Variants in TARBP1 observed in about 807,000 individuals in gnomAD.
TARBP1 encodes the protein tRNA (guanosine(18)-2'-O)-methyltransferase TARBP1.
TARBP1 carries 144 observed loss-of-function variants against 178.6 expected under a neutral mutation model. The ratio of observed to expected loss-of-function variants is 0.81; its 90% CI spans 0.70 to 0.93. TARBP1 has a LOEUF of 0.93. Ranked by LOEUF, TARBP1 falls within the 40% of genes least tolerant of loss-of-function variation. TARBP1 has a pLI of 0.00. For synonymous variants in TARBP1, 787 were observed against 781.0 expected, an observed-to-expected ratio of 1.01 and a Z score of -0.13; for missense variants, 2,067 against 2,011.7, an observed-to-expected ratio of 1.03 and a Z score of -0.53.
chr1:234,436,899 T>G (rs552718298), intron 13 of TARBP1, among the ~76,000 whole-genome samples: 1 of 152,300 alleles, frequency 6.6e-6, no homozygotes, highest in South Asian at 2.1e-4. Flanking sequence ...CTGATGGAGC[T>G]TTAACACACA....
rs917576774 is a variant in TARBP1 at position 234,478,379 on chromosome 1, G to A, written c.725C>T (p.Pro242Leu). 7.5e-7 allele frequency: 1 copy of A among 1,327,854 alleles called. No homozygotes were observed. Among genetic ancestry groups the A allele is most frequent in the Non-Finnish European group, 9.6e-7 (1 of 1,036,504 alleles). The allele number at this position is 1,327,854 out of a possible 1,614,324, so 82.3% of individuals were successfully genotyped here. ...GCGGGCGCGGTCGCCGCCGGGCTCG[G>A]GCAACAGCTTCTCGGCCAGGGCGCT... is the stretch of plus-strand genomic sequence containing the variant. ...VLSALAEKLL[P>L]EPGGDRARGA... The change falls in exon 1 of 30, where the codon CCC (proline) becomes CTC (leucine). Residue 242 changes from proline (P) to leucine (L), a missense_variant. Transcript: ENST00000040877.
At chr1:234,456,050 T>A (rs1312880043) in intron 9 of TARBP1, among the ~76,000 whole-genome samples, 22 of 152,266 alleles carry the variant, frequency 1.4e-4, no homozygotes, top group African/African-American at 5.3e-4. Context: ...ATTGTATCAC[T>A]GTAGATAAAG....
At chr1:234,405,882 A>G (rs778566685) in intron 24 of TARBP1, 21 bp downstream of exon 24, 1 of 1,606,762 alleles carries the variant, frequency 6.2e-7, no homozygotes, top group East Asian at 2.2e-5. Context: ...GAGGGCGATG[A>G]GGTTGACGAG....
chr1:234,451,766 A>AAAAAAAAACAAAAAAAC lies in TARBP1; in HGVS notation c.1723-1201_1723-1200insGTTTTTTTGTTTTTTTT, dbSNP rs57636903. ...TCCGTCTCAAAAAAAAAAAAAAAAA[A>AAAAAAAAACAAAAAAAC]TGATGAATGACTGGATCATCGAAGT... On this transcript the variant is annotated intron_variant, in intron 9 of 29. Transcript: ENST00000040877. Among the ~76,000 whole-genome samples the AAAAAAAAACAAAAAAAC allele has an allele frequency of 1.7e-4, 3 of 17,176 alleles. 1 individual carries two copies. The allele number at this position is 17,176 out of a possible 152,430, so 11.3% of individuals were successfully genotyped here. A position where few individuals can be genotyped will look rare whatever the true frequency, so the allele number is the denominator to read the frequency against.
At chr1:234,436,110 T>A (rs1483882623) in intron 13 of TARBP1, among the ~76,000 whole-genome samples, 3 of 151,788 alleles carry the variant, frequency 2.0e-5, no homozygotes, top group Non-Finnish European at 4.4e-5. Flanking sequence ...TCTTTGCATC[T>A]AAAAGATAAA....
At chr1:234,448,364 C>G in intron 11 of TARBP1, 116 bp downstream of exon 11, 3 of 799,448 alleles carry the variant, frequency 3.8e-6, no homozygotes, top group Non-Finnish European at 4.2e-6. Flanking sequence ...TGTTCTAGTA[C>G]CTTCCTTGAC....
rs773394963 is a variant in TARBP1, at chr1:234,398,391, G to C, written c.4234C>G (p.Gln1412Glu). 6.2e-7 allele frequency: 1 copy of C among 1,604,222 alleles called. No homozygotes were observed. The highest frequency in any genetic ancestry group is 8.5e-7 in the Non-Finnish European group (1 of 1,174,242). ...SKLKPGDWSQQDIGTNLVEAD... is the reference protein window; with the variant it reads ...SKLKPGDWSQEDIGTNLVEAD... ...GAAAATTATTTTTTACCTATGTCTT[G>C]CTGAGACCAGTCACCTGGTTTTAGT... The change falls in exon 26 of 30, where the codon CAA (glutamine) becomes GAA (glutamate). Residue 1412 changes from glutamine (Q) to glutamate (E), a missense_variant. Coordinates refer to ENST00000040877, the MANE Select transcript of TARBP1 (RefSeq NM_005646.4).
chr1:234,393,867 T>A (rs1487366570), intron 26 of TARBP1, 30 bp from the exon 27 acceptor site: 1 of 1,532,126 alleles, frequency 6.5e-7, no homozygotes, highest in Non-Finnish European at 8.9e-7. Flanking sequence ...CAATCCCACA[T>A]ATAAATAAAT....
At chr1:234,394,771 C>T (rs1356769715) in intron 26 of TARBP1, among the ~76,000 whole-genome samples, 2 of 152,150 alleles carry the variant, frequency 1.3e-5, no homozygotes, top group Non-Finnish European at 2.9e-5. Flanking sequence ...TGGCTCAAAC[C>T]AAAGGGCTTT....
At position 234,392,569 on chromosome 1, in the gene TARBP1, AAAG is replaced by A; in HGVS notation, c.4561-20_4561-18del. 6.2e-7 allele frequency: 1 copy of A among 1,612,288 alleles called. No homozygotes were observed. The highest frequency in any genetic ancestry group is 1.1e-5 in the South Asian group (1 of 90,900). On this transcript the variant is annotated intron_variant, in intron 28 of 29. Coordinates refer to ENST00000040877, the MANE Select transcript of TARBP1 (RefSeq NM_005646.4). Reference sequence around the variant, plus strand: ...TGGTTTTACCTGAATATTAGTTTAAAAAGAACAGAATATTCATTCAGTTATAGC... The same window carrying A: ...TGGTTTTACCTGAATATTAGTTTAAAAACAGAATATTCATTCAGTTATAGC...
intron 23 of TARBP1, among the ~76,000 whole-genome samples, chr1:234,409,572 C>T (rs1661598028): frequency 6.6e-6 from 1 of 152,204 alleles, no homozygotes; most frequent in African/African-American, 2.4e-5. Context: ...GGCTGATACA[C>T]ACTGGAAGAC....
intron 14 of TARBP1, among the ~76,000 whole-genome samples, chr1:234,432,679 C>G (rs1192881050): frequency 1.3e-5 from 2 of 152,076 alleles, no homozygotes; most frequent in Non-Finnish European, 2.9e-5. Flanking sequence ...AGGGACCAGA[C>G]TGAATGACAG....
intron 19 of TARBP1, among the ~76,000 whole-genome samples, chr1:234,426,223 T>TG (rs1263918325): frequency 2.6e-5 from 4 of 152,344 alleles, no homozygotes; most frequent in Middle Eastern, 3.4e-3. Context: ...ATTCTCCAAC[T>TG]GAGGGGCAAA....
At chr1:234,408,637 C>G (rs1661504222) in intron 23 of TARBP1, among the ~76,000 whole-genome samples, 1 of 152,162 alleles carries the variant, frequency 6.6e-6, no homozygotes, top group Non-Finnish European at 1.5e-5. Flanking sequence ...ACTGGCTCAT[C>G]TGATCTCGTG....
At chr1:234,399,917 A>T (rs958283235) in intron 25 of TARBP1, among the ~76,000 whole-genome samples, 2 of 151,416 alleles carry the variant, frequency 1.3e-5, no homozygotes, top group Non-Finnish European at 2.9e-5. Context: ...GGATAGCTTT[A>T]GGAGATATAC....
At chr1:234,392,998 C>A (rs79427910) in intron 28 of TARBP1, among the ~76,000 whole-genome samples, 1 of 152,128 alleles carries the variant, frequency 6.6e-6, no homozygotes, top group Non-Finnish European at 1.5e-5. Context: ...GGATTACAGG[C>A]GTGAGCCACC....
At chr1:234,405,840 C>T in intron 24 of TARBP1, 63 bp downstream of exon 24, 5 of 1,477,628 alleles carry the variant, frequency 3.4e-6, no homozygotes, top group Non-Finnish European at 4.7e-6. Context: ...ATGGGCACTG[C>T]CCCCTCCCTG....
intron 14 of TARBP1, 136 bp downstream of exon 14, chr1:234,433,274 T>C (rs1357063766): frequency 2.2e-6 from 2 of 911,668 alleles, no homozygotes; most frequent in African/African-American, 1.7e-5. Context: ...CTACATCTTA[T>C]CACTAGAGGG....
intron 28 of TARBP1, 50 bp downstream of exon 28, chr1:234,393,312 A>G (rs552306885): frequency 1.4e-6 from 2 of 1,399,258 alleles, no homozygotes; most frequent in Admixed American, 2.4e-5. Context: ...TCACGGGTAC[A>G]TGTGCGGGCT....
Sources: gnomAD v4.1 joint callset for allele counts (sites outside exome capture counted in the v4.1 genomes callset) on GRCh38, gnomAD v4.1.1 for gene constraint, MANE v1.5 for transcripts, NCBI Gene and HGNC (gene_info 2026-07-23, HGNC 2026-07-21) for gene names.